The following CDH13 variants were observed in gnomAD, a reference collection of about 807,000 sequenced individuals.
The protein encoded by CDH13 is cadherin 13, also known as cadherin-13.
A neutral mutation model predicts 63.8 loss-of-function variants in CDH13; 24 were observed. The observed-to-expected ratio is 0.38, with a 90% CI of 0.27 to 0.53. The LOEUF (loss-of-function observed/expected upper bound fraction) is 0.53. Ranked by LOEUF, CDH13 falls within the 20% of genes least tolerant of loss-of-function variation. The pLI is 0.85. For synonymous variants in CDH13, 503 were observed against 355.3 expected (o/e 1.42, Z -4.67); for missense variants, 1,049 against 903.1 (o/e 1.16, Z -2.07).
At chr16:83,468,767 ATTTTAT>A (rs1567693468) in intron 6 of CDH13, among the ~76,000 whole-genome samples, 1 of 152,096 alleles carries the variant, frequency 6.6e-6, no homozygotes, top group Admixed American at 6.5e-5. Flanking sequence ...AGTTTTTAAA[ATTTTAT>A]TTTAAGTTCT....
intron 4 of CDH13, among the ~76,000 whole-genome samples, chr16:83,144,144 GC>G (rs535287581): frequency 1.5e-3 from 229 of 152,266 alleles, no homozygotes; most frequent in African/African-American, 5.3e-3. Flanking sequence ...TGGTCAACGT[GC>G]CCCTTCCTTC....
intron 5 of CDH13, among the ~76,000 whole-genome samples, chr16:83,285,854 GA>G (rs1009456439): frequency 2.6e-5 from 4 of 151,976 alleles, no homozygotes; most frequent in South Asian, 2.1e-4. Flanking sequence ...AATTATAGAG[GA>G]AAAAAAATAA....
At chr16:82,741,208 G>A (rs1030387818) in intron 1 of CDH13, among the ~76,000 whole-genome samples, 3 of 152,038 alleles carry the variant, frequency 2.0e-5, no homozygotes, top group Non-Finnish European at 2.9e-5. Context: ...TCAAACCCTC[G>A]GCTAGCTTTA....
rs80110041 is a variant in CDH13, at chr16:83,414,496, C to G, written c.781+69490C>G. Among the ~76,000 whole-genome samples, 123 of 152,216 alleles carry G rather than the reference C, an allele frequency of 8.1e-4. 1 individual carries two copies. The East Asian group carries it at 0.02, about 25-fold the overall frequency. ...ACAGTAGTATTGACTCTAGGTACAG[C>G]ATTGTATGGCAGATTGCTAGAACCC... On this transcript the variant is annotated intron_variant, in intron 6 of 13. Transcript: ENST00000567109.
intron 8 of CDH13, among the ~76,000 whole-genome samples, chr16:83,651,779 A>C (rs577756728): frequency 2.0e-5 from 3 of 151,882 alleles, no homozygotes; most frequent in South Asian, 4.2e-4. Context: ...TATTTTTAGT[A>C]GAGACAGGGT....
intron 3 of CDH13, among the ~76,000 whole-genome samples, chr16:83,084,655 G>A (rs957395945): frequency 6.6e-6 from 1 of 152,182 alleles, no homozygotes; most frequent in Non-Finnish European, 1.5e-5. Context: ...TCCGGAGGCT[G>A]AGGTGGGTGG....
At chr16:83,562,645 C>G (rs1439946768) in intron 7 of CDH13, among the ~76,000 whole-genome samples, 1 of 152,146 alleles carries the variant, frequency 6.6e-6, no homozygotes. Context: ...AACCTTCAAC[C>G]TTCATGCCAC....
At chr16:83,635,217 T>C (rs538536182) in intron 8 of CDH13, among the ~76,000 whole-genome samples, 3 of 152,322 alleles carry the variant, frequency 2.0e-5, no homozygotes, top group East Asian at 3.9e-4. Context: ...TGCATGTGCT[T>C]ATTTGCCGTC....
chr16:82,836,700 C>A (rs1456072430), intron 1 of CDH13, among the ~76,000 whole-genome samples: 1 of 152,164 alleles, frequency 6.6e-6, no homozygotes, highest in Non-Finnish European at 1.5e-5. Flanking sequence ...CCTGCTGATG[C>A]CGACTTCCTG....
chr16:83,682,218 C>T (rs960275788), intron 10 of CDH13, among the ~76,000 whole-genome samples: 3 of 152,032 alleles, frequency 2.0e-5, no homozygotes, highest in Admixed American at 6.6e-5. Context: ...GAGATGATTC[C>T]GGGCAGGCTG....
intron 3 of CDH13, among the ~76,000 whole-genome samples, chr16:83,077,668 A>G (rs2032942788): frequency 6.6e-6 from 1 of 152,192 alleles, no homozygotes; most frequent in African/African-American, 2.4e-5. Flanking sequence ...AATTGCTATA[A>G]AAACGTTCAT....
chr16:83,470,915 G>T (rs537387717), intron 6 of CDH13, among the ~76,000 whole-genome samples: 1 of 152,282 alleles, frequency 6.6e-6, no homozygotes, highest in South Asian at 2.1e-4. Context: ...GGCAAGGCTG[G>T]TTCCTTCCAG....
At chr16:83,164,303 C>G (rs1343496950) in intron 4 of CDH13, among the ~76,000 whole-genome samples, 2 of 151,964 alleles carry the variant, frequency 1.3e-5, no homozygotes, top group African/African-American at 4.8e-5. Context: ...ACATCACACA[C>G]CACACACTAC....
chr16:83,184,571 A>T (rs557762761), intron 4 of CDH13, among the ~76,000 whole-genome samples: 1 of 152,284 alleles, frequency 6.6e-6, no homozygotes, highest in African/African-American at 2.4e-5. Flanking sequence ...CCTGGCCAAC[A>T]TGGTGAAACC....
chr16:83,530,341 G>A (rs1303269131), intron 7 of CDH13, among the ~76,000 whole-genome samples: 1 of 152,182 alleles, frequency 6.6e-6, no homozygotes, highest in Non-Finnish European at 1.5e-5. Context: ...ACCTTGTGCT[G>A]AGTTTTATGA....
At chr16:83,571,219 A>G (rs1904591715) in intron 7 of CDH13, among the ~76,000 whole-genome samples, 1 of 152,034 alleles carries the variant, frequency 6.6e-6, no homozygotes, top group Non-Finnish European at 1.5e-5. Flanking sequence ...TTTCTACCTT[A>G]TTTTACTACT....
intron 3 of CDH13, among the ~76,000 whole-genome samples, chr16:83,123,186 G>A (rs2035662256): frequency 6.6e-6 from 1 of 151,774 alleles, no homozygotes; most frequent in Admixed American, 6.6e-5. Flanking sequence ...ATGTTTTTGT[G>A]TGTGTACACA....
At chr16:83,433,952 T>A (rs1188025665) in intron 6 of CDH13, among the ~76,000 whole-genome samples, 5 of 152,088 alleles carry the variant, frequency 3.3e-5, no homozygotes, top group Admixed American at 6.6e-5. Flanking sequence ...TGGGGGGGAA[T>A]CAATCTTTTC....
intron 10 of CDH13, among the ~76,000 whole-genome samples, chr16:83,716,163 G>C (rs1437486311): frequency 6.6e-6 from 1 of 152,060 alleles, no homozygotes; most frequent in South Asian, 2.1e-4. Flanking sequence ...AAGGTACAGG[G>C]AGTTCTCACA....
Sources: gnomAD v4.1 joint callset for allele counts (sites outside exome capture counted in the v4.1 genomes callset) on GRCh38, gnomAD v4.1.1 for gene constraint, MANE v1.5 for transcripts, NCBI Gene and HGNC (gene_info 2026-07-23, HGNC 2026-07-21) for gene names.